The following PDE4D variants were observed in gnomAD, a reference collection of about 807,000 sequenced individuals.
The protein encoded by PDE4D is 3',5'-cyclic-AMP phosphodiesterase 4D.
In PDE4D, 24 loss-of-function variants were observed where a neutral mutation model predicts 87.4. The observed-to-expected ratio is 0.27, with a 90% CI of 0.20 to 0.39. The LOEUF (loss-of-function observed/expected upper bound fraction) is 0.39, where lower values mean the gene tolerates loss of function less well. Among genes scored for constraint, PDE4D ranks in the 10% least tolerant of loss-of-function variants. The pLI, the probability that PDE4D is intolerant of heterozygous loss-of-function variation, is 1.00. For missense variants in PDE4D, 714 were observed against 1,041.0 expected (o/e 0.69, Z 4.32); for synonymous variants, 384 against 383.2 (o/e 1.00, Z -0.02).
chr5:59,121,424 A>G (rs1774482379), intron 5 of PDE4D, among the ~76,000 whole-genome samples: 1 of 152,206 alleles, frequency 6.6e-6, no homozygotes, highest in Admixed American at 6.5e-5. Context: ...AAGAAGACAT[A>G]CAAATGTCCA....
At chr5:59,733,362 A>T (rs965605530) in intron 1 of PDE4D, among the ~76,000 whole-genome samples, 1 of 152,188 alleles carries the variant, frequency 6.6e-6, no homozygotes, top group African/African-American at 2.4e-5. Context: ...ATGACTTTAA[A>T]GGGCTCACTG....
chr5:59,562,233 T>G (rs1820147517), intron 1 of PDE4D, among the ~76,000 whole-genome samples: 1 of 152,194 alleles, frequency 6.6e-6, no homozygotes, highest in Admixed American at 6.5e-5. Flanking sequence ...GACATGCTCT[T>G]AAACGTCCTC....
chr5:59,377,484 C>T (rs149691504), intron 1 of PDE4D, among the ~76,000 whole-genome samples: 2 of 150,128 alleles, frequency 1.3e-5, no homozygotes, highest in Non-Finnish European at 3.0e-5. Flanking sequence ...CAAAAATTGA[C>T]AAATGAGATC....
chr5:59,196,597 A>G (rs1456708590), intron 2 of PDE4D, among the ~76,000 whole-genome samples: 1 of 152,228 alleles, frequency 6.6e-6, no homozygotes, highest in Non-Finnish European at 1.5e-5. Context: ...AAAAGCATGA[A>G]GACAAAATCC....
chr5:59,411,509 C>G (rs1375905599), intron 1 of PDE4D, among the ~76,000 whole-genome samples: 2 of 152,132 alleles, frequency 1.3e-5, no homozygotes. Context: ...AGTCCAAGAT[C>G]AAAGGCGTCA....
intron 5 of PDE4D, among the ~76,000 whole-genome samples, chr5:59,075,512 T>C (rs1051920154): frequency 1.3e-5 from 2 of 151,680 alleles, no homozygotes; most frequent in South Asian, 4.2e-4. Context: ...AAAAAAAACC[T>C]CATTCTGGAA....
At chr5:60,390,915 C>G (rs1198167424) in intron 1 of PDE4D, among the ~76,000 whole-genome samples, 2 of 152,150 alleles carry the variant, frequency 1.3e-5, no homozygotes, top group African/African-American at 4.8e-5. Flanking sequence ...ATATCACCTT[C>G]TCAGTGAACC....
At chr5:60,270,012 A>T (rs1462529936) in intron 1 of PDE4D, among the ~76,000 whole-genome samples, 2 of 152,194 alleles carry the variant, frequency 1.3e-5, no homozygotes, top group Non-Finnish European at 2.9e-5. Flanking sequence ...ACTGAACATG[A>T]AGGTCCAGAT....
intron 1 of PDE4D, among the ~76,000 whole-genome samples, chr5:60,234,083 G>A (rs559607345): frequency 2.2e-4 from 33 of 151,820 alleles, no homozygotes; most frequent in African/African-American, 8.0e-4. Flanking sequence ...TAAAACAACA[G>A]GTCCATTAAC....
upstream of PDE4D, among the ~76,000 whole-genome samples, chr5:59,898,707 A>G (rs972068083): frequency 6.6e-6 from 1 of 152,204 alleles, no homozygotes. Context: ...AATGGCAAAT[A>G]AGTCTATAAA....
chr5:59,089,956 G>A (rs1461920145), intron 5 of PDE4D, among the ~76,000 whole-genome samples: 1 of 152,106 alleles, frequency 6.6e-6, no homozygotes, highest in Non-Finnish European at 1.5e-5. Context: ...CACTGACCAC[G>A]TCAAGCTGCA....
intron 1 of PDE4D, among the ~76,000 whole-genome samples, chr5:59,601,160 C>T (rs979898708): frequency 7.2e-5 from 11 of 152,094 alleles, no homozygotes; most frequent in African/African-American, 2.7e-4. Context: ...TGTTTGCAGA[C>T]TAACACATTC....
intron 1 of PDE4D, among the ~76,000 whole-genome samples, chr5:59,544,512 T>C (rs1816929814): frequency 6.6e-6 from 1 of 152,222 alleles, no homozygotes; most frequent in Admixed American, 6.5e-5. Flanking sequence ...TATATGAGAC[T>C]GATGAGAAAC....
chr5:59,283,777 G>A (rs866668746), intron 1 of PDE4D, among the ~76,000 whole-genome samples: 10 of 152,070 alleles, frequency 6.6e-5, no homozygotes, highest in Admixed American at 1.3e-4. Context: ...TCCTTGGATT[G>A]ATTCAATCTG....
chr5:60,412,475 T>C (rs1742127261), intron 1 of PDE4D, among the ~76,000 whole-genome samples: 1 of 152,170 alleles, frequency 6.6e-6, no homozygotes, highest in South Asian at 2.1e-4. Flanking sequence ...TGTTTTTGTC[T>C]TTTTTCTGCA....
At chr5:60,330,849 C>T (rs569751577) in intron 1 of PDE4D, among the ~76,000 whole-genome samples, 11 of 150,636 alleles carry the variant, frequency 7.3e-5, no homozygotes, top group Admixed American at 6.6e-4. Context: ...GAGAGATAAG[C>T]CCAAAAGCTA....
At chr5:60,085,501 C>G (rs537763929) in intron 2 of PDE4D, among the ~76,000 whole-genome samples, 1 of 152,062 alleles carries the variant, frequency 6.6e-6, no homozygotes, top group Non-Finnish European at 1.5e-5. Flanking sequence ...AATAGCCAAG[C>G]AGAATCCAAG....
intron 1 of PDE4D, among the ~76,000 whole-genome samples, chr5:59,832,122 G>T (rs115201741): frequency 6.6e-6 from 1 of 152,050 alleles, no homozygotes; most frequent in African/African-American, 2.4e-5. Context: ...GGAAAAGTGC[G>T]GGATCGAAAA....
In PDE4D at chr5:59,632,290, G is replaced by C. The variant is rs112227589; in HGVS notation, c.455+260878C>G. Among the ~76,000 whole-genome samples, 20 of 152,174 alleles carry C rather than the reference G, an allele frequency of 1.3e-4. 1 individual carries two copies. In the East Asian group the frequency reaches 3.9e-3, roughly 29 times the overall value. On this transcript the variant is annotated intron_variant, in intron 1 of 14. Transcript: ENST00000340635. ...CCCATCTCCCTGGGACAGAGCACCTGGGGGGAGGGGTGGCTTTGGGCACAG... is the reference window on the plus strand; with the variant it reads ...CCCATCTCCCTGGGACAGAGCACCTCGGGGGAGGGGTGGCTTTGGGCACAG...
Sources: gnomAD v4.1 joint callset for allele counts (sites outside exome capture counted in the v4.1 genomes callset) on GRCh38, gnomAD v4.1.1 for gene constraint, MANE v1.5 for transcripts, NCBI Gene and HGNC (gene_info 2026-07-23, HGNC 2026-07-21) for gene names.